CLYBL: variants seen among roughly 807,000 people sequenced by gnomAD.
The protein encoded by CLYBL is citramalyl-CoA lyase, also known as citramalyl-CoA lyase, mitochondrial.
In CLYBL, 31 loss-of-function variants were observed where a neutral mutation model predicts 38.9. The observed-to-expected ratio is 0.80, with a 90% CI of 0.60 to 1.08. The LOEUF (loss-of-function observed/expected upper bound fraction) is 1.08, where lower values mean the gene tolerates loss of function less well. Ranked by LOEUF, CLYBL falls within the 50% of genes least tolerant of loss-of-function variation. The pLI, the probability that CLYBL is intolerant of heterozygous loss-of-function variation, is 0.00. For missense variants in CLYBL, 434 were observed against 411.6 expected (o/e 1.05, Z -0.47); for synonymous variants, 171 against 158.6 (o/e 1.08, Z -0.59).
At chr13:99,671,792 AAAAT>A (rs2047569270) in intron 1 of CLYBL, among the ~76,000 whole-genome samples, 2 of 139,050 alleles carry the variant, frequency 1.4e-5, no homozygotes, top group Non-Finnish European at 3.2e-5. Flanking sequence ...AAAAAAAAAA[AAAAT>A]AATAAAAGCT....
At chr13:99,855,591 G>A (rs1362406807) in intron 2 of CLYBL, among the ~76,000 whole-genome samples, 3 of 152,136 alleles carry the variant, frequency 2.0e-5, no homozygotes, top group African/African-American at 7.2e-5. Context: ...CAGTGTGTGT[G>A]GCAGAGAGAG....
chr13:99,808,521 T>C (rs1187387716), intron 2 of CLYBL, among the ~76,000 whole-genome samples: 2 of 152,202 alleles, frequency 1.3e-5, no homozygotes, highest in African/African-American at 2.4e-5. Context: ...TTAAAAGCAG[T>C]GTTGAAATAT....
intron 1 of CLYBL, among the ~76,000 whole-genome samples, chr13:99,715,416 CTT>C (rs55690124): frequency 1.4e-4 from 20 of 141,240 alleles, no homozygotes; most frequent in Admixed American, 3.6e-4. Flanking sequence ...TTTTTCTTTT[CTT>C]TTTTTTTTTT....
intron 1 of CLYBL, among the ~76,000 whole-genome samples, chr13:99,720,693 T>G (rs1419295531): frequency 6.6e-6 from 1 of 152,220 alleles, no homozygotes; most frequent in Non-Finnish European, 1.5e-5. Flanking sequence ...CCATTAATTT[T>G]TGGTTGATTT....
intron 1 of CLYBL, among the ~76,000 whole-genome samples, chr13:99,728,770 A>G (rs1480389097): frequency 6.6e-6 from 1 of 151,720 alleles, no homozygotes; most frequent in Non-Finnish European, 1.5e-5. Context: ...TTTTGTAGAG[A>G]TGGAGTCTCA....
chr13:99,888,541 G>A (rs1284885575), intron 7 of CLYBL, among the ~76,000 whole-genome samples: 1 of 152,146 alleles, frequency 6.6e-6, no homozygotes, highest in South Asian at 2.1e-4. Flanking sequence ...GCTGAGGCCA[G>A]GAGTTCGAGA....
chr13:99,636,447 C>CA (rs1182930035), intron 1 of CLYBL, among the ~76,000 whole-genome samples: 8 of 152,284 alleles, frequency 5.3e-5, no homozygotes, highest in Non-Finnish European at 8.8e-5. Flanking sequence ...GCAGTGCCAG[C>CA]ACATCTGGGC....
In CLYBL at chr13:99,771,327, G is replaced by A. The variant is rs560171914; in HGVS notation, c.63-1497G>A. Among the ~76,000 whole-genome samples the A allele has an allele frequency of 1.4e-4, 21 of 152,236 alleles. No individual in the cohort carries two copies. The South Asian group carries it at 4.1e-3, about 30-fold the overall frequency. On this transcript the variant is annotated intron_variant, in intron 1 of 8. Coordinates refer to ENST00000339105, the MANE Select transcript of CLYBL (RefSeq NM_206808.5). ...TTCCCAAAGTATTGGAATTAGAGGCGTGGGCCACCACACATGGCCTAAGGC... is the reference window on the plus strand; with the variant it reads ...TTCCCAAAGTATTGGAATTAGAGGCATGGGCCACCACACATGGCCTAAGGC...
chr13:99,700,103 C>T (rs1262569947), intron 1 of CLYBL, among the ~76,000 whole-genome samples: 1 of 152,150 alleles, frequency 6.6e-6, no homozygotes, highest in African/African-American at 2.4e-5. Flanking sequence ...TTAGCATTCC[C>T]ATTTCTTCTC....
chr13:99,858,191 G>T (rs1325513117), intron 2 of CLYBL, among the ~76,000 whole-genome samples: 1 of 152,146 alleles, frequency 6.6e-6, no homozygotes, highest in East Asian at 1.9e-4. Flanking sequence ...GTGGAGCAAA[G>T]CCTGTCAAGT....
rs189705677 is a variant in CLYBL at position 99,793,069 on chromosome 13, A to C, written c.249+20059A>C. On this transcript the variant is annotated intron_variant, in intron 2 of 8. Transcript: ENST00000339105. ...ACACACACACACACACACACACACA[A>C]AGTACGTAGACCTTAAAGCCCCATT... Among the ~76,000 whole-genome samples, 8 of 123,300 alleles carry C rather than the reference A, an allele frequency of 6.5e-5. No individual in the cohort carries two copies. In the East Asian group the frequency reaches 2.0e-3, roughly 31 times the overall value. The allele number at this position is 123,300 out of a possible 152,430, so 80.9% of individuals were successfully genotyped here.
At chr13:99,771,313 T>C (rs1289509743) in intron 1 of CLYBL, among the ~76,000 whole-genome samples, 2 of 152,082 alleles carry the variant, frequency 1.3e-5, no homozygotes, top group Non-Finnish European at 2.9e-5. Context: ...TCCCAAAGTA[T>C]TGGAATTAGA....
chr13:99,854,263 C>T (rs186420641), intron 2 of CLYBL, among the ~76,000 whole-genome samples: 9 of 151,902 alleles, frequency 5.9e-5, no homozygotes, highest in Admixed American at 3.9e-4. Context: ...GGCTGGGAGG[C>T]GAAGGGAAAG....
chr13:99,622,137 A>G (rs142990242), intron 1 of CLYBL, among the ~76,000 whole-genome samples: 1,648 of 152,140 alleles, frequency 0.011, 12 homozygotes, highest in Non-Finnish European at 0.018. Context: ...TGCTTCTGCC[A>G]CCCTTTTCCA....
chr13:99,723,271 T>C (rs1449049423), intron 1 of CLYBL, among the ~76,000 whole-genome samples: 1 of 152,222 alleles, frequency 6.6e-6, no homozygotes, highest in African/African-American at 2.4e-5. Flanking sequence ...ATTTTCTCAC[T>C]GAACACTTCA....
chr13:99,789,699 A>C (rs1218783524), intron 2 of CLYBL, among the ~76,000 whole-genome samples: 1 of 152,180 alleles, frequency 6.6e-6, no homozygotes, highest in Non-Finnish European at 1.5e-5. Flanking sequence ...AGAGTTCTGT[A>C]GATGTCTATT....
intron 6 of CLYBL, among the ~76,000 whole-genome samples, chr13:99,868,268 T>A (rs1260356526): frequency 6.6e-6 from 1 of 152,238 alleles, no homozygotes; most frequent in Non-Finnish European, 1.5e-5. Flanking sequence ...ATCAATCTGA[T>A]AATAAGATAG....
intron 1 of CLYBL, among the ~76,000 whole-genome samples, chr13:99,763,283 A>C (rs986484419): frequency 6.6e-6 from 1 of 152,186 alleles, no homozygotes; most frequent in African/African-American, 2.4e-5. Context: ...CTCCCTGTTC[A>C]GGATGATGTT....
chr13:99,639,671 T>C (rs570426527), intron 1 of CLYBL, among the ~76,000 whole-genome samples: 3 of 152,298 alleles, frequency 2.0e-5, no homozygotes, highest in African/African-American at 4.8e-5. Context: ...GGTAGGAGGA[T>C]TGCTTGAGGC....
Sources: gnomAD v4.1 joint callset for allele counts (sites outside exome capture counted in the v4.1 genomes callset) on GRCh38, gnomAD v4.1.1 for gene constraint, MANE v1.5 for transcripts, NCBI Gene and HGNC (gene_info 2026-07-23, HGNC 2026-07-21) for gene names.